CSMD1: variants seen among roughly 807,000 people sequenced by gnomAD.
CSMD1 encodes the protein CUB and Sushi multiple domains 1.
CSMD1 carries 213 observed loss-of-function variants against 417.5 expected under a neutral mutation model. The ratio of observed to expected loss-of-function variants is 0.51; its 90% CI spans 0.46 to 0.57. The LOEUF is 0.57. Among genes scored for constraint, CSMD1 ranks in the 20% least tolerant of loss-of-function variants. CSMD1 has a pLI of 0.00. For missense variants in CSMD1, 6,923 were observed against 4,529.7 expected (o/e 1.53, Z -15.17); for synonymous variants, 2,862 against 1,736.8 (o/e 1.65, Z -16.11).
At chr8:4,216,412 AAATT>A (rs1324867479) in intron 3 of CSMD1, among the ~76,000 whole-genome samples, 1 of 152,194 alleles carries the variant, frequency 6.6e-6, no homozygotes, top group Admixed American at 6.5e-5. Context: ...GTGCATGGTA[AAATT>A]AATACTTATT....
chr8:3,895,742 T>G (rs1358813633), intron 5 of CSMD1, among the ~76,000 whole-genome samples: 1 of 152,242 alleles, frequency 6.6e-6, no homozygotes, highest in Non-Finnish European at 1.5e-5. Flanking sequence ...ACTTATTTAT[T>G]CATTCCTAAT....
rs904848542 is a variant in CSMD1, at chr8:4,818,325, G to C, written c.85+176007C>G. On this transcript the variant is annotated intron_variant, in intron 1 of 69. Coordinates refer to ENST00000635120, the MANE Select transcript of CSMD1 (RefSeq NM_033225.6). ...AATTGACCAAAGCTAGATTACAAAA[G>C]TATAAATTTGAGCATTGCCTGCCAC... Among the ~76,000 whole-genome samples, 11 of 152,272 alleles carry C rather than the reference G, an allele frequency of 7.2e-5. No individual in the cohort carries two copies. The East Asian group carries it at 1.5e-3, about 21-fold the overall frequency.
chr8:3,746,958 A>C (rs192102025), intron 6 of CSMD1, among the ~76,000 whole-genome samples: 156 of 152,380 alleles, frequency 1.0e-3, no homozygotes, highest in African/African-American at 3.6e-3. Flanking sequence ...CAGTCTGAGA[A>C]ATAAAGCTGT....
chr8:4,735,213 A>G (rs1217778497), intron 1 of CSMD1, among the ~76,000 whole-genome samples: 6 of 152,174 alleles, frequency 3.9e-5, no homozygotes, highest in African/African-American at 1.4e-4. Flanking sequence ...TTTATTGCTA[A>G]TACCAAATGC....
intron 7 of CSMD1, among the ~76,000 whole-genome samples, chr8:3,704,349 A>G (rs1262519935): frequency 6.6e-6 from 1 of 152,170 alleles, no homozygotes; most frequent in Non-Finnish European, 1.5e-5. Flanking sequence ...TTTTTCAGGC[A>G]TATACCCAGT....
At chr8:3,658,659 T>A (rs955177974) in intron 7 of CSMD1, among the ~76,000 whole-genome samples, 2 of 152,032 alleles carry the variant, frequency 1.3e-5, no homozygotes, top group African/African-American at 4.8e-5. Flanking sequence ...GGTGCGTGCC[T>A]GTAATCCCAG....
rs73493931 is a variant in CSMD1 at position 3,179,795 on chromosome 8, G to C, written c.5725+1315C>G. 3.3e-3 allele frequency among the ~76,000 whole-genome samples: 499 copies of C among 152,270 alleles called. 3 individuals are homozygous for C. Among genetic ancestry groups the C allele is most frequent in the African/African-American group, 0.011 (438 of 41,576 alleles). ...GTATATCAAAGTAGCAGATTTTCCAGACACATCCTACATAAGTAACATCCA... is the reference window on the plus strand; with the variant it reads ...GTATATCAAAGTAGCAGATTTTCCACACACATCCTACATAAGTAACATCCA... On this transcript the variant is annotated intron_variant, in intron 37 of 69. Transcript: ENST00000635120.
At chr8:4,189,150 T>G (rs1460294264) in intron 3 of CSMD1, among the ~76,000 whole-genome samples, 1 of 152,266 alleles carries the variant, frequency 6.6e-6, no homozygotes, top group Non-Finnish European at 1.5e-5. Flanking sequence ...GTGAGTCATC[T>G]CTGAGTTCAC....
At chr8:3,378,623 C>A (rs1309189672) in intron 18 of CSMD1, among the ~76,000 whole-genome samples, 1 of 152,132 alleles carries the variant, frequency 6.6e-6, no homozygotes, top group Non-Finnish European at 1.5e-5. Flanking sequence ...TAATCCATCA[C>A]TTAAACAGAA....
At chr8:3,303,712 G>GTTACT (rs1017839479) in intron 25 of CSMD1, among the ~76,000 whole-genome samples, 1 of 152,124 alleles carries the variant, frequency 6.6e-6, no homozygotes, top group African/African-American at 2.4e-5. Context: ...TTATAATGCT[G>GTTACT]TTACTTTTGT....
At chr8:3,793,140 C>A (rs556069742) in intron 5 of CSMD1, among the ~76,000 whole-genome samples, 2 of 152,180 alleles carry the variant, frequency 1.3e-5, no homozygotes, top group South Asian at 2.1e-4. Context: ...AGGAACTGCT[C>A]GAATAATTTA....
At position 2,955,589 on chromosome 8, in the gene CSMD1, T is replaced by C. The variant is rs763225074; in HGVS notation, c.9994A>G (p.Ser3332Gly). The change falls in exon 64 of 70, where the codon AGT (serine) becomes GGT (glycine). Residue 3332 changes from serine to glycine, a missense_variant and splice_region_variant. Coordinates refer to ENST00000635120, the MANE Select transcript of CSMD1 (RefSeq NM_033225.6). The part of the protein sequence containing the change: ...KWTGKSPVCK[S>G]KGVREVNETV... ...TGCCACTCCTTGATCAATGACTTAC[T>C]TTTACACACAGGCGACTTTCCTGTC... The C allele has an allele frequency of 6.2e-7, 1 of 1,613,416 alleles. No homozygotes were observed. Among genetic ancestry groups the C allele is most frequent in the Non-Finnish European group, 8.5e-7 (1 of 1,179,592 alleles).
At chr8:3,346,664 T>C (rs946446458) in intron 22 of CSMD1, among the ~76,000 whole-genome samples, 2 of 152,196 alleles carry the variant, frequency 1.3e-5, no homozygotes, top group Admixed American at 1.3e-4. Flanking sequence ...ACATAACTTC[T>C]AATGAGGTCA....
At chr8:4,452,043 G>A (rs1373208249) in intron 2 of CSMD1, among the ~76,000 whole-genome samples, 2 of 151,684 alleles carry the variant, frequency 1.3e-5, no homozygotes, top group African/African-American at 4.8e-5. Flanking sequence ...CACCAGAGGG[G>A]TGGAAGAGGA....
At chr8:3,943,281 G>A (rs1369027993) in intron 5 of CSMD1, among the ~76,000 whole-genome samples, 1 of 151,620 alleles carries the variant, frequency 6.6e-6, no homozygotes, top group East Asian at 1.9e-4. Flanking sequence ...TAAAGTGTAT[G>A]CAAAGCACTT....
chr8:4,153,066 A>AGG (rs1455230457), intron 3 of CSMD1, among the ~76,000 whole-genome samples: 1 of 152,122 alleles, frequency 6.6e-6, no homozygotes, highest in South Asian at 2.1e-4. Flanking sequence ...CAGTTTTTGA[A>AGG]GGGGGTATGA....
chr8:3,468,900 G>T, intron 11 of CSMD1, 76 bp from the exon 12 acceptor site: 1 of 976,882 alleles, frequency 1.0e-6, no homozygotes, highest in Non-Finnish European at 1.5e-6. Context: ...GGAGGGTCTT[G>T]CTGCTTTAAA....
chr8:3,660,377 G>C (rs941911350), intron 7 of CSMD1, among the ~76,000 whole-genome samples: 2 of 151,386 alleles, frequency 1.3e-5, no homozygotes, highest in Middle Eastern at 3.5e-3. Flanking sequence ...GACCAGCACA[G>C]AAAAAGTAAT....
chr8:4,202,776 G>A (rs192460184), intron 3 of CSMD1, among the ~76,000 whole-genome samples: 1 of 152,190 alleles, frequency 6.6e-6, no homozygotes, highest in Non-Finnish European at 1.5e-5. Flanking sequence ...TGATAGAACA[G>A]AGAATAAAAC....
Sources: gnomAD v4.1 joint callset for allele counts (sites outside exome capture counted in the v4.1 genomes callset) on GRCh38, gnomAD v4.1.1 for gene constraint, MANE v1.5 for transcripts, NCBI Gene and HGNC (gene_info 2026-07-23, HGNC 2026-07-21) for gene names.